PDC: variants seen among roughly 807,000 people sequenced by gnomAD.
PDC encodes 33 kDa phototransducing protein.
PDC carries 19 observed loss-of-function variants against 22.2 expected under a neutral mutation model. The observed-to-expected ratio is 0.86, with a 90% CI of 0.60 to 1.26. The LOEUF (loss-of-function observed/expected upper bound fraction) is 1.26. PDC is among the 50% of genes most tolerant of loss of function. The pLI is 0.00. For missense variants in PDC, 274 were observed against 286.8 expected (o/e 0.96, Z 0.32); for synonymous variants, 97 against 96.2 (o/e 1.01, Z -0.05).
chr1:186,444,020 C>T lies in PDC; in HGVS notation c.700G>A (p.Val234Ile). The T allele has an allele frequency of 6.2e-7, 1 of 1,612,174 alleles. No individual in the cohort carries two copies. The highest frequency in any genetic ancestry group is 1.3e-5 in the African/African-American group (1 of 75,014). Residue 234 changes from valine to isoleucine, a missense_variant, in exon 4 of 4, where the codon GTC becomes ATC. Coordinates refer to ENST00000391997, the MANE Select transcript of PDC (RefSeq NM_002597.5). ...YGLLPEREVHVLEHTKIEEED... is the reference protein window; with the variant it reads ...YGLLPEREVHILEHTKIEEED... Reference sequence around the variant, plus strand: ...TCTTCTATTTTGGTATGCTCTAGGACATGTACCTCTCTTTCAGGTAGTAAC... The same window carrying T: ...TCTTCTATTTTGGTATGCTCTAGGATATGTACCTCTCTTTCAGGTAGTAAC...
At chr1:186,460,329 C>T (rs895490437) in intron 1 of PDC, among the ~76,000 whole-genome samples, 14 of 152,162 alleles carry the variant, frequency 9.2e-5, no homozygotes, top group Admixed American at 5.9e-4. Context: ...TGGCCTGGAA[C>T]ATGAAACATC....
rs1023022574 is a variant in PDC at position 186,443,765 on chromosome 1, G to A, written c.*214C>T. On this transcript the variant is annotated 3_prime_UTR_variant, in exon 4 of 4. Coordinates refer to ENST00000391997, the MANE Select transcript of PDC (RefSeq NM_002597.5). ...CACATCCTCTTTGTCTACTAATAATGTTGCTGAAGACAGCTCTGTTTTGTA... is the reference window on the plus strand; with the variant it reads ...CACATCCTCTTTGTCTACTAATAATATTGCTGAAGACAGCTCTGTTTTGTA... 18 of 489,546 alleles carry A rather than the reference G, an allele frequency of 3.7e-5. No homozygotes were observed. In the South Asian group the frequency reaches 6.1e-4, roughly 17 times the overall value. 30.3% of individuals were successfully genotyped at this position (489,546 alleles called of 1,614,324 possible). A position where few individuals can be genotyped will look rare whatever the true frequency, so the allele number is the denominator to read the frequency against.
Position 186,443,831 on chromosome 1 carries a change from T to C in PDC, c.*148A>G. On this transcript the variant is annotated 3_prime_UTR_variant, in exon 4 of 4. Transcript: ENST00000391997. The stretch of plus-strand genomic sequence containing the variant: ...AATTTGAGTAACTAATACTAAGAAA[T>C]GCTAATAACTCGATTGTTGCATCAG... The C allele has an allele frequency of 1.6e-6, 1 of 628,978 alleles. No individual in the cohort carries two copies. The highest frequency in any genetic ancestry group is 2.0e-5 in the South Asian group (1 of 49,758). 39.0% of individuals were successfully genotyped at this position (628,978 alleles called of 1,614,324 possible). A position where few individuals can be genotyped will look rare whatever the true frequency, so the allele number is the denominator to read the frequency against.
Position 186,444,131 on chromosome 1 carries a change from G to A in PDC, c.589C>T (p.Leu197Phe). The A allele has an allele frequency of 1.9e-6, 3 of 1,613,968 alleles. No individual in the cohort carries two copies. The South Asian group carries it at 3.3e-5, about 18-fold the overall frequency. Residue 197 changes from leucine to phenylalanine, a missense_variant, in exon 4 of 4, where the codon CTC becomes TTC. Coordinates refer to ENST00000391997, the MANE Select transcript of PDC (RefSeq NM_002597.5). ...PTLLIYKGGELISNFISVAEQ... is the reference protein window; with the variant it reads ...PTLLIYKGGEFISNFISVAEQ... ...GCAACACTAATAAAATTGCTTATGA[G>A]TTCCCCACCTTTATAGATGAGCAGT...
chr1:186,451,960 G>A (rs1348354401), intron 1 of PDC, among the ~76,000 whole-genome samples: 3 of 152,162 alleles, frequency 2.0e-5, no homozygotes, highest in African/African-American at 7.2e-5. Context: ...CTTATCTAAT[G>A]CCTCCATTTG....
rs577855577 is a variant in PDC at position 186,456,054 on chromosome 1, G to A, written c.-25+5005C>T. On this transcript the variant is annotated intron_variant, in intron 1 of 3. Transcript: ENST00000391997. ...ATGCCAGTATTCCTCTGCATGTTAGGCAATACAAATGCCAGTTACTTATTT... is the reference window on the plus strand; with the variant it reads ...ATGCCAGTATTCCTCTGCATGTTAGACAATACAAATGCCAGTTACTTATTT... Among the ~76,000 whole-genome samples the A allele has an allele frequency of 3.3e-4, 44 of 135,264 alleles. No individual in the cohort carries two copies. In the South Asian group the frequency reaches 9.8e-3, roughly 30 times the overall value. 88.7% of individuals were successfully genotyped at this position (135,264 alleles called of 152,430 possible).
intron 1 of PDC, among the ~76,000 whole-genome samples, chr1:186,460,610 G>C (rs570495233): frequency 6.6e-6 from 1 of 152,270 alleles, no homozygotes; most frequent in South Asian, 2.1e-4. Flanking sequence ...TTTTATCTAT[G>C]GTTTTAGGCA....
At position 186,443,887 on chromosome 1, in the gene PDC, C is replaced by T; in HGVS notation, c.*92G>A. 1 of 891,606 alleles carries T rather than the reference C, an allele frequency of 1.1e-6. No homozygotes were observed. Among genetic ancestry groups the T allele is most frequent in the Non-Finnish European group, 1.8e-6 (1 of 564,770 alleles). The allele number at this position is 891,606 out of a possible 1,614,324, so 55.2% of individuals were successfully genotyped here. On this transcript the variant is annotated 3_prime_UTR_variant, in exon 4 of 4. Transcript: ENST00000391997. ...TTTGTCAAGTTAGCATAGCCGTGCC[C>T]ATACTCTGTGTTCACTAAAGCAATA...
chr1:186,454,606 G>A (rs1662420220), intron 1 of PDC, among the ~76,000 whole-genome samples: 1 of 152,122 alleles, frequency 6.6e-6, no homozygotes, highest in East Asian at 1.9e-4. Context: ...GCATCTCTAG[G>A]TCATTTGTAA....
intron 1 of PDC, among the ~76,000 whole-genome samples, chr1:186,454,269 T>A (rs1256865461): frequency 2.7e-5 from 4 of 146,630 alleles, no homozygotes; most frequent in Non-Finnish European, 4.5e-5. Context: ...GCCTCCCGGG[T>A]CCCTGTTCAA....
In PDC at chr1:186,449,431, T is replaced by A; in HGVS notation, c.29A>T (p.Glu10Val). The change falls in exon 2 of 4, where the codon GAG becomes GTG. Residue 10 changes from glutamate (E) to valine (V), a missense_variant. Glu to Val is a moderately radical substitution (Grantham distance 121, BLOSUM62 -2). Coordinates refer to ENST00000391997, the MANE Select transcript of PDC (RefSeq NM_002597.5). ...TGTGGCCTGTCCTTCAAAGTCTTCC[T>A]CCAAACTTTGGCTTTTGGCTTCTTC... Reference protein sequence around the residue: MEEAKSQSLEEDFEGQATHT... With the variant: MEEAKSQSLVEDFEGQATHT... 6.2e-7 allele frequency: 1 copy of A among 1,607,854 alleles called. No homozygotes were observed. The highest frequency in any genetic ancestry group is 1.3e-5 in the African/African-American group (1 of 74,918).
In PDC at chr1:186,444,340, A is replaced by T. The variant is rs757024258; in HGVS notation, c.380T>A (p.Ile127Asn). The change falls in exon 4 of 4, where the codon ATT (isoleucine) becomes AAT (asparagine). Residue 127 changes from isoleucine (I) to asparagine (N), a missense_variant. Coordinates refer to ENST00000391997, the MANE Select transcript of PDC (RefSeq NM_002597.5). ...TGTGGTGATCTTCAGTTCCTTTTCAATTGTTTCTAGGAATTGCTTTCCAGT... is the reference window on the plus strand; with the variant it reads ...TGTGGTGATCTTCAGTTCCTTTTCATTTGTTTCTAGGAATTGCTTTCCAGT... ...LETGKQFLET[I>N]EKELKITTIV... The T allele has an allele frequency of 1.2e-6, 2 of 1,613,894 alleles. No homozygotes were observed. Among genetic ancestry groups the T allele is most frequent in the African/African-American group, 1.3e-5 (1 of 74,888 alleles).
At chr1:186,454,115 A>G (rs1332223249) in intron 1 of PDC, among the ~76,000 whole-genome samples, 3 of 149,630 alleles carry the variant, frequency 2.0e-5, no homozygotes, top group African/African-American at 7.4e-5. Flanking sequence ...ATTAAACCTC[A>G]TTAGTTTATA....
Position 186,444,029 on chromosome 1 carries a change from C to A in PDC, c.691G>T (p.Glu231Ter), listed in dbSNP as rs750679238. The A allele has an allele frequency of 1.9e-6, 3 of 1,612,438 alleles. No homozygotes were observed. Among genetic ancestry groups the A allele is most frequent in the Non-Finnish European group, 2.5e-6 (3 of 1,178,614 alleles). Residue 231 changes from glutamate to a stop codon, truncating the protein, a stop_gained, in exon 4 of 4, where the codon GAG (glutamate) becomes TAG (stop). Coordinates refer to ENST00000391997, the MANE Select transcript of PDC (RefSeq NM_002597.5). LOFTEE classifies it high-confidence loss of function. ...TTGGTATGCTCTAGGACATGTACCT[C>A]TCTTTCAGGTAGTAACCCATATTCA... ...LNEYGLLPEREVHVLEHTKIE... is the reference protein window; with the variant it reads ...LNEYGLLPER
chr1:186,455,252 C>T (rs755762685), intron 1 of PDC, among the ~76,000 whole-genome samples: 2 of 152,104 alleles, frequency 1.3e-5, no homozygotes, highest in Non-Finnish European at 2.9e-5. Context: ...GTTAGCTCCC[C>T]GGTGTCTTTT....
At chr1:186,459,977 ACT>A (rs961279762) in intron 1 of PDC, among the ~76,000 whole-genome samples, 3 of 151,000 alleles carry the variant, frequency 2.0e-5, no homozygotes, top group African/African-American at 7.3e-5. Flanking sequence ...ATATCAACAA[ACT>A]CTGTGTTCTT....
chr1:186,450,438 A>G (rs888671917), intron 1 of PDC, among the ~76,000 whole-genome samples: 26 of 152,188 alleles, frequency 1.7e-4, no homozygotes, highest in Admixed American at 1.6e-3. Flanking sequence ...TTCTGGGCTC[A>G]AGTGACCTTA....
chr1:186,445,756 T>G (rs1417046612), intron 3 of PDC, among the ~76,000 whole-genome samples: 1 of 152,152 alleles, frequency 6.6e-6, no homozygotes, highest in South Asian at 2.1e-4. Flanking sequence ...ATTGCGCCAC[T>G]GCACTCCAGC....
intron 1 of PDC, among the ~76,000 whole-genome samples, chr1:186,450,264 A>G (rs1160013355): frequency 6.6e-6 from 1 of 152,204 alleles, no homozygotes; most frequent in Non-Finnish European, 1.5e-5. Context: ...ATACCATGGG[A>G]CAAGTTTTCA....
Sources: gnomAD v4.1 joint callset for allele counts (sites outside exome capture counted in the v4.1 genomes callset) on GRCh38, gnomAD v4.1.1 for gene constraint, MANE v1.5 for transcripts, NCBI Gene and HGNC (gene_info 2026-07-23, HGNC 2026-07-21) for gene names.